The following MDFIC variants were observed in gnomAD, a reference collection of about 807,000 sequenced individuals.
The protein encoded by MDFIC is myoD family inhibitor domain-containing protein.
MDFIC carries 17 observed loss-of-function variants against 23.2 expected under a neutral mutation model. That is an observed-to-expected ratio of 0.73 (90% CI 0.50 to 1.10). The LOEUF (loss-of-function observed/expected upper bound fraction) is 1.10, where lower values mean the gene tolerates loss of function less well. Ranked by LOEUF, MDFIC falls within the 50% of genes least tolerant of loss-of-function variation. The pLI, the probability that MDFIC is intolerant of heterozygous loss-of-function variation, is 0.00. For missense variants in MDFIC, 356 were observed against 316.6 expected, an observed-to-expected ratio of 1.12 and a Z score of -0.95; for synonymous variants, 120 against 115.2, an observed-to-expected ratio of 1.04 and a Z score of -0.27.
intron 4 of MDFIC, among the ~76,000 whole-genome samples, chr7:114,989,262 T>C (rs1456614810): frequency 1.3e-5 from 2 of 152,232 alleles, no homozygotes; most frequent in Middle Eastern, 3.4e-3. Context: ...TTCAGTAAAA[T>C]GAGCACTGAA....
intron 2 of MDFIC, among the ~76,000 whole-genome samples, chr7:114,925,798 T>C (rs1057322853): frequency 1.3e-5 from 2 of 152,228 alleles, no homozygotes; most frequent in African/African-American, 4.8e-5. Flanking sequence ...AGTTTGCAAC[T>C]AATTAAACAC....
intron 3 of MDFIC, among the ~76,000 whole-genome samples, chr7:114,953,850 A>AATAGTTGTTATACAAT (rs1420034376): frequency 5.3e-5 from 8 of 152,194 alleles, no homozygotes; most frequent in Non-Finnish European, 8.8e-5. Flanking sequence ...ATGCTATGTA[A>AATAGTTGTTATACAAT]ATAGTTGTTA....
chr7:114,962,509 G>C (rs974414576), intron 3 of MDFIC, among the ~76,000 whole-genome samples: 26 of 152,074 alleles, frequency 1.7e-4, no homozygotes, highest in Admixed American at 1.6e-3. Flanking sequence ...AACTGCCCTT[G>C]GTCATCATTC....
chr7:114,965,438 T>C (rs2115885747), intron 3 of MDFIC, among the ~76,000 whole-genome samples: 2 of 152,266 alleles, frequency 1.3e-5, no homozygotes, highest in East Asian at 3.9e-4. Context: ...AAATGGAAGA[T>C]GGGCCGGAAG....
rs1264009015 is a variant in MDFIC, at chr7:115,017,964, G to A, written c.*2029G>A. ...CCTTTGAGATGAAACGTAGTTTCTAGTTATATCATTACTTAAAGGGCTTAA... is the reference window on the plus strand; with the variant it reads ...CCTTTGAGATGAAACGTAGTTTCTAATTATATCATTACTTAAAGGGCTTAA... On this transcript the variant is annotated 3_prime_UTR_variant, in exon 5 of 5. Transcript: ENST00000393486. 6.6e-6 allele frequency: 1 copy of A among 151,928 alleles called. No individual in the cohort carries two copies. The highest frequency in any genetic ancestry group is 6.6e-5 in the Admixed American group (1 of 15,248). 9.4% of individuals were successfully genotyped at this position (151,928 alleles called of 1,614,324 possible).
At chr7:114,968,025 C>T (rs1793137780) in intron 3 of MDFIC, among the ~76,000 whole-genome samples, 4 of 152,020 alleles carry the variant, frequency 2.6e-5, no homozygotes, top group Non-Finnish European at 5.9e-5. Flanking sequence ...CTATGTTGCC[C>T]AGGCTGGTGA....
chr7:114,960,967 A>G (rs1395749136), intron 3 of MDFIC, among the ~76,000 whole-genome samples: 1 of 152,128 alleles, frequency 6.6e-6, no homozygotes, highest in South Asian at 2.1e-4. Flanking sequence ...GACACAAAAC[A>G]CAGTACTACC....
At chr7:114,991,268 G>A (rs1159283309) in intron 4 of MDFIC, among the ~76,000 whole-genome samples, 1 of 152,138 alleles carries the variant, frequency 6.6e-6, no homozygotes, top group Non-Finnish European at 1.5e-5. Context: ...CAGATGAGTA[G>A]ATTGCAAAAA....
intron 2 of MDFIC, among the ~76,000 whole-genome samples, chr7:114,925,021 T>C (rs923330550): frequency 1.3e-5 from 2 of 152,182 alleles, no homozygotes; most frequent in African/African-American, 4.8e-5. Flanking sequence ...TTCTGAAGAA[T>C]AGCTTAATAA....
intron 3 of MDFIC, among the ~76,000 whole-genome samples, chr7:114,945,957 G>A (rs1421704226): frequency 2.0e-5 from 3 of 152,096 alleles, no homozygotes; most frequent in African/African-American, 7.2e-5. Context: ...TAAGCCTTTG[G>A]CTTTTCCCCT....
At chr7:114,965,030 A>C (rs1793070317) in intron 3 of MDFIC, among the ~76,000 whole-genome samples, 1 of 152,194 alleles carries the variant, frequency 6.6e-6, no homozygotes, top group Non-Finnish European at 1.5e-5. Flanking sequence ...ATCTTTAAAC[A>C]AATTTTGCTC....
chr7:114,923,431 T>C, intron 2 of MDFIC: 1 of 1,534,446 alleles, frequency 6.5e-7, no homozygotes, highest in South Asian at 1.2e-5. Flanking sequence ...AGACTCAATG[T>C]GTAGGTTCTG....
rs1792098735 is a variant in MDFIC at position 114,922,410 on chromosome 7, G to A, written c.-334G>A. On this transcript the variant is annotated 5_prime_UTR_variant, in exon 1 of 5. Transcript: ENST00000393486. ...CTGGAGTGAGCTGGCTGGAAAGAGGGGGCGGAGTGCGCGGAGTCAGAGCCG... is the reference window on the plus strand; with the variant it reads ...CTGGAGTGAGCTGGCTGGAAAGAGGAGGCGGAGTGCGCGGAGTCAGAGCCG... 2 of 1,239,116 alleles carry A rather than the reference G, an allele frequency of 1.6e-6. No individual in the cohort carries two copies. Among genetic ancestry groups the A allele is most frequent in the Non-Finnish European group, 2.0e-6 (2 of 989,336 alleles). 76.8% of individuals were successfully genotyped at this position (1,239,116 alleles called of 1,614,324 possible). A position where few individuals can be genotyped will look rare whatever the true frequency, so the allele number is the denominator to read the frequency against.
intron 4 of MDFIC, among the ~76,000 whole-genome samples, chr7:114,996,323 A>G (rs1791328631): frequency 6.6e-6 from 1 of 152,166 alleles, no homozygotes; most frequent in African/African-American, 2.4e-5. Flanking sequence ...TTAAGGCAGA[A>G]CAAGATTTGC....
chr7:114,974,652 T>C (rs1793272503), intron 3 of MDFIC, among the ~76,000 whole-genome samples: 1 of 152,138 alleles, frequency 6.6e-6, no homozygotes, highest in South Asian at 2.1e-4. Flanking sequence ...TTGCTTTATA[T>C]TGCTACTCCA....
At chr7:114,960,824 A>G (rs1418988775) in intron 3 of MDFIC, among the ~76,000 whole-genome samples, 1 of 152,204 alleles carries the variant, frequency 6.6e-6, no homozygotes, top group African/African-American at 2.4e-5. Flanking sequence ...AAAGGTACAC[A>G]TTTAAAGAGA....
chr7:115,007,071 C>A (rs537119099), intron 4 of MDFIC, among the ~76,000 whole-genome samples: 2 of 152,310 alleles, frequency 1.3e-5, no homozygotes, highest in African/African-American at 4.8e-5. Flanking sequence ...CACTCCTCTG[C>A]AAATTCTGTT....
intron 4 of MDFIC, 117 bp downstream of exon 4, chr7:114,979,898 A>T: frequency 7.8e-7 from 1 of 1,282,050 alleles, no homozygotes; most frequent in Non-Finnish European, 1.1e-6. Context: ...GACAAACAGG[A>T]ATTTTGGTAA....
intron 3 of MDFIC, among the ~76,000 whole-genome samples, chr7:114,950,483 G>A (rs1792743850): frequency 2.0e-5 from 3 of 151,924 alleles, no homozygotes; most frequent in Non-Finnish European, 2.9e-5. Context: ...AGACAAGAAG[G>A]GCATCATAAA....
Sources: gnomAD v4.1 joint callset for allele counts (sites outside exome capture counted in the v4.1 genomes callset) on GRCh38, gnomAD v4.1.1 for gene constraint, MANE v1.5 for transcripts, NCBI Gene and HGNC (gene_info 2026-07-23, HGNC 2026-07-21) for gene names.